The following PRKG1 variants were observed in gnomAD, a reference collection of about 807,000 sequenced individuals.
The protein encoded by PRKG1 is cGMP-dependent protein kinase 1.
A neutral mutation model predicts 88.1 loss-of-function variants in PRKG1; 35 were observed. The ratio of observed to expected loss-of-function variants is 0.40; its 90% CI spans 0.30 to 0.53. The LOEUF (loss-of-function observed/expected upper bound fraction) is 0.53. Among genes scored for constraint, PRKG1 ranks in the 20% least tolerant of loss-of-function variants. PRKG1 has a pLI of 0.59. For synonymous variants in PRKG1, 303 were observed against 292.5 expected, an observed-to-expected ratio of 1.04 and a Z score of -0.37; for missense variants, 540 against 839.8, an observed-to-expected ratio of 0.64 and a Z score of 4.41.
At chr10:51,271,677 A>T (rs1456811066) in intron 2 of PRKG1, among the ~76,000 whole-genome samples, 1 of 152,096 alleles carries the variant, frequency 6.6e-6, no homozygotes, top group Non-Finnish European at 1.5e-5. Context: ...TACTTCCTTA[A>T]AGTAGTCTGG....
chr10:51,795,139 C>T (rs1474254257), intron 3 of PRKG1, among the ~76,000 whole-genome samples: 3 of 152,022 alleles, frequency 2.0e-5, no homozygotes, highest in African/African-American at 7.2e-5. Context: ...GAATTGGTTT[C>T]CAACAATTAT....
At chr10:51,548,018 T>C (rs926320614) in intron 3 of PRKG1, among the ~76,000 whole-genome samples, 1 of 152,120 alleles carries the variant, frequency 6.6e-6, no homozygotes, top group Non-Finnish European at 1.5e-5. Context: ...TTAATAGTTA[T>C]CCGTACAAAT....
At chr10:52,269,499 A>T (rs1841662279) in intron 10 of PRKG1, among the ~76,000 whole-genome samples, 1 of 152,052 alleles carries the variant, frequency 6.6e-6, no homozygotes, top group Non-Finnish European at 1.5e-5. Context: ...CTCCCTCCTA[A>T]GGAACTTGCC....
At chr10:51,070,548 G>A (rs1843812709), upstream of PRKG1, among the ~76,000 whole-genome samples, 1 of 152,156 alleles carries the variant, frequency 6.6e-6, no homozygotes, top group African/African-American at 2.4e-5. Context: ...ATTCTTCCAG[G>A]AAATACAGTG....
intron 4 of PRKG1, among the ~76,000 whole-genome samples, chr10:51,876,509 T>C (rs1484284238): frequency 1.3e-5 from 2 of 152,232 alleles, no homozygotes; most frequent in African/African-American, 4.8e-5. Flanking sequence ...GGGTTTATAT[T>C]TGTTTTTGTT....
chr10:52,069,432 G>A (rs1332920748), intron 7 of PRKG1, among the ~76,000 whole-genome samples: 2 of 152,096 alleles, frequency 1.3e-5, no homozygotes, highest in Non-Finnish European at 2.9e-5. Context: ...TCGGGGGGCT[G>A]AAGTAGGAGA....
At chr10:51,723,124 T>G (rs1017923304) in intron 3 of PRKG1, among the ~76,000 whole-genome samples, 14 of 152,238 alleles carry the variant, frequency 9.2e-5, no homozygotes, top group Admixed American at 2.6e-4. Context: ...ACCATACCAC[T>G]TTCTGTCTGA....
rs74132430 is a variant in PRKG1 at position 51,799,256 on chromosome 10, T to G, written c.593-5329T>G. 2.0e-5 allele frequency among the ~76,000 whole-genome samples: 3 copies of G among 152,138 alleles called. No individual in the cohort carries two copies. The South Asian group carries it at 6.2e-4, about 32-fold the overall frequency. On this transcript the variant is annotated intron_variant, in intron 3 of 17. Coordinates refer to ENST00000373980, the MANE Select transcript of PRKG1 (RefSeq NM_006258.4). ...CTTTAAACCCTTCCGTGCCCCCCTC[T>G]TCATTGGCCTCAGTATCAAGTTATA... is the stretch of plus-strand genomic sequence containing the variant.
chr10:51,895,843 C>T (rs1841831153), intron 4 of PRKG1, among the ~76,000 whole-genome samples: 2 of 151,930 alleles, frequency 1.3e-5, no homozygotes, highest in Non-Finnish European at 2.9e-5. Flanking sequence ...GAAATTTCCC[C>T]AAGAGTGGGT....
rs1185027525 is a variant in PRKG1, at chr10:51,702,316, GACCC to G, written c.593-102265_593-102262del. On this transcript the variant is annotated intron_variant, in intron 3 of 17. Coordinates refer to ENST00000373980, the MANE Select transcript of PRKG1 (RefSeq NM_006258.4). ...GCCCCCGTTCATACAGGACCAGTGT[GACCC>G]ACCATGTAATTCCATGCCCAGAACA... 2.0e-5 allele frequency among the ~76,000 whole-genome samples: 3 copies of G among 152,110 alleles called. No homozygotes were observed. The South Asian group carries it at 6.2e-4, about 31-fold the overall frequency.
At chr10:51,331,496 G>A (rs1841740203) in intron 2 of PRKG1, among the ~76,000 whole-genome samples, 1 of 152,156 alleles carries the variant, frequency 6.6e-6, no homozygotes, top group African/African-American at 2.4e-5. Context: ...CCAAGGCAAA[G>A]TCCTGTGCTC....
intron 4 of PRKG1, among the ~76,000 whole-genome samples, chr10:51,879,092 A>G (rs1273417513): frequency 6.6e-6 from 1 of 152,250 alleles, no homozygotes; most frequent in Non-Finnish European, 1.5e-5. Flanking sequence ...GGCAGGAGAT[A>G]GAAAGAAACC....
chr10:51,756,821 A>G (rs1002486054), intron 3 of PRKG1, among the ~76,000 whole-genome samples: 9 of 151,526 alleles, frequency 5.9e-5, no homozygotes, highest in Admixed American at 4.6e-4. Flanking sequence ...TCTCAAAAAT[A>G]AATAAATAAA....
At chr10:51,776,807 A>G (rs2132555123) in intron 3 of PRKG1, among the ~76,000 whole-genome samples, 3 of 152,280 alleles carry the variant, frequency 2.0e-5, no homozygotes, top group Admixed American at 2.0e-4. Flanking sequence ...CCTGGGTGAC[A>G]GAGCAAGACT....
intron 9 of PRKG1, among the ~76,000 whole-genome samples, chr10:52,211,777 A>G (rs948699975): frequency 2.0e-5 from 3 of 151,960 alleles, no homozygotes; most frequent in Non-Finnish European, 4.4e-5. Context: ...TACTACGGAA[A>G]GTGGAAGATA....
At chr10:51,897,477 T>C (rs964625210) in intron 4 of PRKG1, among the ~76,000 whole-genome samples, 3 of 152,208 alleles carry the variant, frequency 2.0e-5, no homozygotes, top group African/African-American at 7.2e-5. Context: ...TTTGTTCAGA[T>C]GTTTTGGCTT....
chr10:51,584,678 T>C (rs1292410665), intron 3 of PRKG1, among the ~76,000 whole-genome samples: 1 of 152,070 alleles, frequency 6.6e-6, no homozygotes, highest in African/African-American at 2.4e-5. Context: ...CAGTTACTTA[T>C]GTCTACATGT....
chr10:51,099,029 C>G (rs1037733677), intron 1 of PRKG1, among the ~76,000 whole-genome samples: 5 of 152,188 alleles, frequency 3.3e-5, no homozygotes, highest in African/African-American at 1.2e-4. Flanking sequence ...CCTTGCTGCA[C>G]TCTGTGAAAC....
chr10:52,062,641 T>A lies in PRKG1; in HGVS notation c.935+10T>A. ...AGAAAGCCTTGCAGGGGTAAGTAGATCATGTGTTATACAGGTTTTTGTTTG... is the reference window on the plus strand; with the variant it reads ...AGAAAGCCTTGCAGGGGTAAGTAGAACATGTGTTATACAGGTTTTTGTTTG... On this transcript the variant is annotated intron_variant, in intron 7 of 17. Transcript: ENST00000373980. The A allele has an allele frequency of 6.4e-7, 1 of 1,572,040 alleles. No homozygotes were observed. The highest frequency in any genetic ancestry group is 8.7e-7 in the Non-Finnish European group (1 of 1,150,700).
Sources: gnomAD v4.1 joint callset for allele counts (sites outside exome capture counted in the v4.1 genomes callset) on GRCh38, gnomAD v4.1.1 for gene constraint, MANE v1.5 for transcripts, NCBI Gene and HGNC (gene_info 2026-07-23, HGNC 2026-07-21) for gene names.